The following IL26 variants were observed in gnomAD, a reference collection of about 807,000 sequenced individuals.
IL26 encodes interleukin 26.
A neutral mutation model predicts 21.7 loss-of-function variants in IL26; 23 were observed. The observed-to-expected ratio is 1.06, with a 90% CI of 0.76 to 1.50. The LOEUF is 1.50. Among genes scored for constraint, IL26 ranks in the 40% most tolerant of loss-of-function variants. The pLI is 0.00. For missense variants in IL26, 204 were observed against 196.0 expected (o/e 1.04, Z -0.24); for synonymous variants, 63 against 67.8 (o/e 0.93, Z 0.34).
intron 3 of IL26, among the ~76,000 whole-genome samples, chr12:68,212,344 A>C (rs1278205831): frequency 3.3e-5 from 5 of 152,052 alleles, no homozygotes; most frequent in Non-Finnish European, 5.9e-5. Context: ...CTTTTTGCTC[A>C]GTATTGCTTT....
chr12:68,216,728 C>CA (rs1385629543), intron 3 of IL26, among the ~76,000 whole-genome samples: 1 of 152,144 alleles, frequency 6.6e-6, no homozygotes, highest in East Asian at 1.9e-4. Flanking sequence ...AAACAGTCTA[C>CA]AAAAAATGGA....
intron 3 of IL26, among the ~76,000 whole-genome samples, chr12:68,209,661 G>A (rs1868651359): frequency 1.3e-5 from 2 of 152,082 alleles, no homozygotes; most frequent in African/African-American, 4.8e-5. Flanking sequence ...TTTAGACTCT[G>A]GACCCTGCAC....
chr12:68,218,244 AT>A (rs1476982084), intron 3 of IL26, among the ~76,000 whole-genome samples: 1 of 149,904 alleles, frequency 6.7e-6, no homozygotes, highest in Non-Finnish European at 1.5e-5. Context: ...AGGGAAAAAA[AT>A]CAATCAATTG....
chr12:68,225,478 C>T lies in IL26; in HGVS notation c.194G>A (p.Arg65Gln), dbSNP rs371094808. The T allele has an allele frequency of 4.4e-6, 7 of 1,588,460 alleles. No individual in the cohort carries two copies. Among genetic ancestry groups the T allele is most frequent in the South Asian group, 2.2e-5 (2 of 89,882 alleles). ...TIPEDRIKNIRLLKKKTKKQF... is the reference protein window; with the variant it reads ...TIPEDRIKNIQLLKKKTKKQF... ...CTTTTTTGTTTTCTTTTTTAATAATCGTATATTTTTTATGCGGTCTTCCTA... is the reference window on the plus strand; with the variant it reads ...CTTTTTTGTTTTCTTTTTTAATAATTGTATATTTTTTATGCGGTCTTCCTA... Residue 65 changes from arginine (R) to glutamine (Q), a missense_variant, in exon 2 of 5, where the codon CGA becomes CAA. Transcript: ENST00000229134.
At chr12:68,223,810 AC>A (rs1224613009) in intron 3 of IL26, among the ~76,000 whole-genome samples, 2 of 151,826 alleles carry the variant, frequency 1.3e-5, no homozygotes, top group Admixed American at 6.6e-5. Flanking sequence ...TTATAAAAAA[AC>A]ATGCAATCCA....
At chr12:68,219,692 A>C (rs927311849) in intron 3 of IL26, among the ~76,000 whole-genome samples, 4 of 151,898 alleles carry the variant, frequency 2.6e-5, no homozygotes, top group Non-Finnish European at 5.9e-5. Context: ...TATAAATTTA[A>C]TAGAAGAAAA....
Position 68,201,602 on chromosome 12 carries a change from G to T in IL26, c.*243C>A. On this transcript the variant is annotated 3_prime_UTR_variant, in exon 5 of 5. Transcript: ENST00000229134. ...TAAATTAAGTTGACACAATGTACTTGTGAATGACAAAACATGTTCAGAATG... is the reference window on the plus strand; with the variant it reads ...TAAATTAAGTTGACACAATGTACTTTTGAATGACAAAACATGTTCAGAATG... The T allele has an allele frequency of 5.7e-6, 2 of 353,228 alleles. No homozygotes were observed. The highest frequency in any genetic ancestry group is 4.4e-5 in the Admixed American group (1 of 22,504). 21.9% of individuals were successfully genotyped at this position (353,228 alleles called of 1,614,324 possible).
chr12:68,214,372 G>A (rs1487584775), intron 3 of IL26, among the ~76,000 whole-genome samples: 1 of 152,120 alleles, frequency 6.6e-6, no homozygotes, highest in African/African-American at 2.4e-5. Context: ...GGCCCATTTG[G>A]TTTAATGTGT....
chr12:68,225,501 C>G lies in IL26; in HGVS notation c.172-1G>C. The G allele has an allele frequency of 1.9e-6, 3 of 1,597,832 alleles. No homozygotes were observed. The highest frequency in any genetic ancestry group is 2.6e-6 in the Non-Finnish European group (3 of 1,166,156). On this transcript the variant is annotated splice_acceptor_variant, in intron 1 of 4. Coordinates refer to ENST00000229134, the MANE Select transcript of IL26 (RefSeq NM_018402.2). LOFTEE classifies it high-confidence loss of function. ...ATCGTATATTTTTTATGCGGTCTTC[C>G]TACAATAATACAAAGAGAAATAAGT...
intron 3 of IL26, among the ~76,000 whole-genome samples, chr12:68,206,973 T>C (rs956867958): frequency 1.3e-5 from 2 of 152,236 alleles, no homozygotes; most frequent in Admixed American, 1.3e-4. Flanking sequence ...ATCCTTCATC[T>C]TTCTTTTGTT....
At chr12:68,208,404 G>A (rs1213915687) in intron 3 of IL26, among the ~76,000 whole-genome samples, 1 of 152,178 alleles carries the variant, frequency 6.6e-6, no homozygotes, top group Non-Finnish European at 1.5e-5. Flanking sequence ...CACCTCTGCT[G>A]CAGCACATCC....
At chr12:68,205,610 A>G (rs1390720454) in intron 3 of IL26, among the ~76,000 whole-genome samples, 2 of 152,146 alleles carry the variant, frequency 1.3e-5, no homozygotes, top group Non-Finnish European at 2.9e-5. Flanking sequence ...TGGTCTTGCC[A>G]TCTCAGGGAT....
rs1868891820 is a variant in IL26 at position 68,216,607 on chromosome 12, TA to T, written c.363+8541del. ...GACAGGATTGGTCTCACTCTTGCTT[TA>T]TCAGTTCAACCAGTTGCAATTTTTA... On this transcript the variant is annotated intron_variant, in intron 3 of 4. Transcript: ENST00000229134. 1.3e-5 allele frequency among the ~76,000 whole-genome samples: 2 copies of T among 152,206 alleles called. 1 individual carries two copies. Among genetic ancestry groups the T allele is most frequent in the South Asian group, 4.1e-4 (2 of 4,832 alleles).
Position 68,225,809 on chromosome 12 carries a change from A to G in IL26, c.-53T>C. 1 of 1,580,306 alleles carries G rather than the reference A, an allele frequency of 6.3e-7. No homozygotes were observed. Among genetic ancestry groups the G allele is most frequent in the South Asian group, 1.1e-5 (1 of 87,596 alleles). On this transcript the variant is annotated 5_prime_UTR_variant, in exon 1 of 5. Coordinates refer to ENST00000229134, the MANE Select transcript of IL26 (RefSeq NM_018402.2). ...ACTCACAGCAGCCCAAGAGATACTA[A>G]TGCCGGTTAGATGAGAGGATAACCT...
chr12:68,209,968 A>G (rs555433241), intron 3 of IL26, among the ~76,000 whole-genome samples: 81 of 152,274 alleles, frequency 5.3e-4, no homozygotes, highest in African/African-American at 1.9e-3. Flanking sequence ...TCATTTTTAT[A>G]GACCTCAATA....
In IL26 at chr12:68,201,882, AG is replaced by A; in HGVS notation, c.478del (p.Leu160PhefsTer25). The A allele has an allele frequency of 6.2e-7, 1 of 1,605,236 alleles. No homozygotes were observed. The highest frequency in any genetic ancestry group is 8.5e-7 in the Non-Finnish European group (1 of 1,177,492). On this transcript the variant is annotated frameshift_variant, in exon 5 of 5. Coordinates refer to ENST00000229134, the MANE Select transcript of IL26 (RefSeq NM_018402.2). LOFTEE classifies it high-confidence loss of function. The stretch of plus-strand genomic sequence containing the variant: ...TTCCAATAATTTTTTAATCCAGGAA[AG>A]AAGAATATCCAGTTCACTGATGGCT... ...YKAISELDIL[L>X]SWIKKLLESS...
At chr12:68,203,010 A>T (rs2870945) in intron 3 of IL26, among the ~76,000 whole-genome samples, 12,272 of 152,238 alleles carry the variant, frequency 0.081, 571 homozygotes, top group African/African-American at 0.14. Context: ...AGAAAAAAAA[A>T]TTACCTTTTA....
At chr12:68,220,471 A>G (rs1178940893) in intron 3 of IL26, among the ~76,000 whole-genome samples, 2 of 152,220 alleles carry the variant, frequency 1.3e-5, no homozygotes, top group African/African-American at 2.4e-5. Context: ...ATGTGTTAAA[A>G]AGGCATTGAT....
At chr12:68,218,033 C>A (rs1364372965) in intron 3 of IL26, among the ~76,000 whole-genome samples, 1 of 152,018 alleles carries the variant, frequency 6.6e-6, no homozygotes, top group Non-Finnish European at 1.5e-5. Flanking sequence ...ATACTTTGGT[C>A]CTGCCTAACA....
Sources: gnomAD v4.1 joint callset for allele counts (sites outside exome capture counted in the v4.1 genomes callset) on GRCh38, gnomAD v4.1.1 for gene constraint, MANE v1.5 for transcripts, NCBI Gene and HGNC (gene_info 2026-07-23, HGNC 2026-07-21) for gene names.